Variants in INSR observed in about 807,000 individuals in gnomAD.
INSR encodes the protein IR.
INSR carries 67 observed loss-of-function variants against 142.6 expected under a neutral mutation model. The observed-to-expected ratio is 0.47, with a 90% CI of 0.39 to 0.58. INSR has a LOEUF of 0.58. Among genes scored for constraint, INSR ranks in the 20% least tolerant of loss-of-function variants. The pLI, the probability that INSR is intolerant of heterozygous loss-of-function variation, is 0.00. For missense variants in INSR, 1,248 were observed against 1,833.2 expected (o/e 0.68, Z 5.83); for synonymous variants, 756 against 743.1 (o/e 1.02, Z -0.28).
At chr19:7,136,990 G>A (rs949698004) in intron 13 of INSR, among the ~76,000 whole-genome samples, 5 of 151,556 alleles carry the variant, frequency 3.3e-5, no homozygotes, top group African/African-American at 1.2e-4. Context: ...GCACCACCAC[G>A]CCCGGCTAAT....
chr19:7,292,365 C>T (rs957366325), intron 1 of INSR, among the ~76,000 whole-genome samples: 2 of 151,212 alleles, frequency 1.3e-5, no homozygotes, highest in Non-Finnish European at 1.5e-5. Flanking sequence ...GCTGAGATTA[C>T]AGGCTTGAGC....
intron 2 of INSR, among the ~76,000 whole-genome samples, chr19:7,249,865 G>A (rs1461817626): frequency 2.6e-5 from 4 of 152,052 alleles, no homozygotes; most frequent in Non-Finnish European, 5.9e-5. Context: ...GGTGGCAGGT[G>A]CCTGTAGTCC....
At chr19:7,219,964 G>A (rs1975563093) in intron 2 of INSR, among the ~76,000 whole-genome samples, 1 of 152,106 alleles carries the variant, frequency 6.6e-6, no homozygotes, top group Non-Finnish European at 1.5e-5. Flanking sequence ...TGAATCTTAT[G>A]GAACCTTCTG....
At chr19:7,243,056 A>C (rs1005534995) in intron 2 of INSR, among the ~76,000 whole-genome samples, 2 of 152,020 alleles carry the variant, frequency 1.3e-5, no homozygotes, top group African/African-American at 2.4e-5. Context: ...CAATAAAGAC[A>C]TACAAGGAGC....
chr19:7,267,444 T>C lies in INSR; in HGVS notation c.553A>G (p.Ile185Val), dbSNP rs770317587. The change falls in exon 2 of 22, where the codon ATC becomes GTC. Residue 185 changes from isoleucine to valine, a missense_variant. By Grantham distance (29) the Ile-to-Val change is conservative (BLOSUM62 3). Coordinates refer to ENST00000302850, the MANE Select transcript of INSR (RefSeq NM_000208.4). This position sits in a 1 kb window ranked among gnomAD's most constrained non-coding sequence, Gnocchi z 6.3. ...NKDDNEECGD[I>V]CPGTAKGKTN... Reference sequence around the variant, plus strand: ...TTGCCCTTCGCGGTACCCGGACAGATGTCTCCACACTCCTCGTTGTCATCT... The same window carrying C: ...TTGCCCTTCGCGGTACCCGGACAGACGTCTCCACACTCCTCGTTGTCATCT... 27 of 1,614,124 alleles carry C rather than the reference T, an allele frequency of 1.7e-5. No individual in the cohort carries two copies. Among genetic ancestry groups the C allele is most frequent in the Middle Eastern group, 3.3e-4 (2 of 6,062 alleles).
chr19:7,172,160 C>T (rs567287152), intron 5 of INSR, 130 bp downstream of exon 5: 23 of 908,304 alleles, frequency 2.5e-5, no homozygotes, highest in African/African-American at 1.8e-4. Context: ...GATTCACCCA[C>T]GTTGGCCTCC....
chr19:7,262,699 C>T (rs909803858), intron 2 of INSR, among the ~76,000 whole-genome samples: 21 of 152,320 alleles, frequency 1.4e-4, no homozygotes, highest in African/African-American at 4.8e-4. Context: ...CAGGCTACCA[C>T]GTGGATGAAC....
rs1203041463 is a variant in INSR at position 7,149,891 on chromosome 19, GA to G, written c.2267+605del. On this transcript the variant is annotated intron_variant, in intron 11 of 21. Coordinates refer to ENST00000302850, the MANE Select transcript of INSR (RefSeq NM_000208.4). ...CGGAGGGAGAGAGGGAGGGAATAAA[GA>G]AAAGAAAAGAAAGAAGGAAAGAAAG... Among the ~76,000 whole-genome samples the G allele has an allele frequency of 6.1e-5, 9 of 148,146 alleles. 1 individual carries two copies. The highest frequency in any genetic ancestry group is 3.4e-4 in the Admixed American group (5 of 14,576).
At chr19:7,152,508 TCCCC>T in intron 10 of INSR, 1 of 609,780 alleles carries the variant, frequency 1.6e-6, no homozygotes, top group Non-Finnish European at 3.0e-6. Context: ...TGTCCATTTT[TCCCC>T]TTTTGTGCGA....
intron 2 of INSR, among the ~76,000 whole-genome samples, chr19:7,228,499 A>C (rs531527761): frequency 4.7e-4 from 72 of 152,304 alleles, no homozygotes; most frequent in African/African-American, 1.7e-3. Context: ...TCAAATCAGA[A>C]ATGAGACTGG....
At chr19:7,227,323 A>G (rs1433804794) in intron 2 of INSR, among the ~76,000 whole-genome samples, 7 of 150,802 alleles carry the variant, frequency 4.6e-5, no homozygotes, top group Non-Finnish European at 1.0e-4. Flanking sequence ...CCCAGGCTGG[A>G]GTGCAGTGGC....
intron 5 of INSR, among the ~76,000 whole-genome samples, chr19:7,172,022 C>T (rs1974026400): frequency 6.6e-6 from 1 of 151,524 alleles, no homozygotes; most frequent in Non-Finnish European, 1.5e-5. Context: ...AGCTATTCTC[C>T]TGCCTCAGCC....
rs1315528853 is a variant in INSR, at chr19:7,132,183, G to A, written c.2817C>T (p.Pro939=). The A allele has an allele frequency of 1.9e-6, 3 of 1,614,134 alleles. No individual in the cohort carries two copies. The highest frequency in any genetic ancestry group is 1.7e-6 in the Non-Finnish European group (2 of 1,179,998). ...AATAGTCTGTCACGTAGAAATAGGT[G>A]GGTTCCGTCCAAGAGCCGTTGCCCG... ...SLAGNGSWTE[P]TYFYVTDYLD... is the part of the protein sequence containing the mutation. Residue 939 remains proline (P), a synonymous_variant, in exon 14 of 22, where the codon CCC becomes CCT. Transcript: ENST00000302850.
chr19:7,281,228 C>A (rs948797524), intron 1 of INSR, among the ~76,000 whole-genome samples: 1 of 152,054 alleles, frequency 6.6e-6, no homozygotes. Context: ...GTATGGAGAC[C>A]GTGTAACTGG....
At chr19:7,152,397 G>GAC in intron 10 of INSR, 1 of 347,164 alleles carries the variant, frequency 2.9e-6, no homozygotes, top group Non-Finnish European at 5.5e-6. Context: ...AAAAAAAAGA[G>GAC]AGAGAGAGAA....
intron 3 of INSR, among the ~76,000 whole-genome samples, chr19:7,175,573 G>A (rs1285936345): frequency 2.0e-5 from 3 of 152,086 alleles, no homozygotes; most frequent in South Asian, 2.1e-4. Context: ...AGTGGCTCAC[G>A]CCTGTAATCC....
chr19:7,194,003 T>C (rs982743153), intron 2 of INSR, among the ~76,000 whole-genome samples: 6 of 152,104 alleles, frequency 3.9e-5, no homozygotes, highest in Non-Finnish European at 8.8e-5. Context: ...AGCCAGGAAA[T>C]ACATTTTTCA....
chr19:7,217,545 C>A (rs553916332), intron 2 of INSR, among the ~76,000 whole-genome samples: 16 of 152,230 alleles, frequency 1.1e-4, no homozygotes, highest in African/African-American at 3.9e-4. Context: ...TAGCAGTCAT[C>A]GAGTGATATC....
At chr19:7,286,605 C>G (rs1228357007) in intron 1 of INSR, among the ~76,000 whole-genome samples, 1 of 151,304 alleles carries the variant, frequency 6.6e-6, no homozygotes, top group Admixed American at 6.6e-5. Context: ...CCAGGCTGGT[C>G]TCAAACTGCT....
Sources: gnomAD v4.1 joint callset for allele counts (sites outside exome capture counted in the v4.1 genomes callset) on GRCh38, gnomAD v4.1.1 for gene constraint, Gnocchi (gnomAD v3.1) non-coding constraint, MANE v1.5 for transcripts, NCBI Gene and HGNC (gene_info 2026-07-23, HGNC 2026-07-21) for gene names.